Variants in SGIP1 observed in about 807,000 individuals in gnomAD.
SGIP1 encodes SH3-containing GRB2-like protein 3-interacting protein 1.
A neutral mutation model predicts 107.5 loss-of-function variants in SGIP1; 38 were observed. The ratio of observed to expected loss-of-function variants is 0.35; its 90% CI spans 0.27 to 0.46. SGIP1 has a LOEUF of 0.46. SGIP1 is among the 20% of genes least tolerant of loss of function. The pLI, the probability that SGIP1 is intolerant of heterozygous loss-of-function variation, is 1.00. For missense variants in SGIP1, 929 were observed against 1,019.5 expected (o/e 0.91, Z 1.21); for synonymous variants, 365 against 366.1 (o/e 1.00, Z 0.03).
intron 18 of SGIP1, among the ~76,000 whole-genome samples, chr1:66,709,034 AAGTTCTGGGATACATGCGCAG>A (rs575815473): frequency 4.5e-3 from 683 of 151,802 alleles, no homozygotes; most frequent in Non-Finnish European, 7.4e-3. Context: ...GTTATACTTT[AAGTTCTGGGATACATGCGCAG>A]AGTTCTGGGA....
Position 66,731,351 on chromosome 1 carries a change from T to C in SGIP1, c.1898+1932T>C, listed in dbSNP as rs145103193. ...AGTTTGTTTGTAAATATGACTGGTG[T>C]CATAGTTACAGCTTTTGTTGCATTG... On this transcript the variant is annotated intron_variant, in intron 20 of 24. Transcript: ENST00000371037. Among the ~76,000 whole-genome samples the C allele has an allele frequency of 3.4e-4, 52 of 152,360 alleles. No homozygotes were observed. In the East Asian group the frequency reaches 0.01, roughly 29 times the overall value.
intron 12 of SGIP1, 113 bp downstream of exon 12, chr1:66,673,479 G>A (rs912374440): frequency 2.0e-5 from 20 of 1,003,398 alleles, no homozygotes; most frequent in Admixed American, 1.6e-4. Flanking sequence ...TTATTTTCGT[G>A]GGAAAGAAAA....
chr1:66,591,104 A>G (rs1447461906), intron 1 of SGIP1, among the ~76,000 whole-genome samples: 1 of 152,230 alleles, frequency 6.6e-6, no homozygotes, highest in Non-Finnish European at 1.5e-5. Flanking sequence ...ACTTTTCTGT[A>G]CAGTTGAGCA....
chr1:66,674,556 A>G (rs923921313), intron 12 of SGIP1, among the ~76,000 whole-genome samples: 1 of 152,244 alleles, frequency 6.6e-6, no homozygotes, highest in Non-Finnish European at 1.5e-5. Flanking sequence ...AGACTAAGCT[A>G]CATTAACAAA....
chr1:66,638,717 C>A (rs1373420215), intron 4 of SGIP1, among the ~76,000 whole-genome samples: 4 of 152,148 alleles, frequency 2.6e-5, no homozygotes, highest in Non-Finnish European at 5.9e-5. Flanking sequence ...ATCTAGTGAT[C>A]CTATGTGCAC....
In SGIP1 at chr1:66,689,326, A is replaced by G. The variant is rs181756912; in HGVS notation, c.1443+51A>G. The stretch of plus-strand genomic sequence containing the variant: ...CTCAGAAACAGTGAGAATGACAAAC[A>G]GAAGCTCCAAATGCCTTCAGGTCTA... On this transcript the variant is annotated intron_variant, in intron 16 of 24. Coordinates refer to ENST00000371037, the MANE Select transcript of SGIP1 (RefSeq NM_032291.4). 3.8e-6 allele frequency: 6 copies of G among 1,586,520 alleles called. No homozygotes were observed. In the Admixed American group the frequency reaches 7.1e-5, roughly 19 times the overall value.
intron 15 of SGIP1, 101 bp downstream of exon 15, chr1:66,682,470 T>G (rs770894373): frequency 1.0e-4 from 149 of 1,433,306 alleles, no homozygotes; most frequent in Non-Finnish European, 1.4e-4. Context: ...GCTTCAGAGC[T>G]TCAGCCCTCA....
intron 18 of SGIP1, among the ~76,000 whole-genome samples, chr1:66,718,377 G>C (rs2093357645): frequency 6.6e-6 from 1 of 151,024 alleles, no homozygotes; most frequent in Admixed American, 6.6e-5. Context: ...ACAGCAAAAT[G>C]ATACAGGAAA....
intron 2 of SGIP1, chr1:66,626,232 T>A (rs563199714): frequency 1.1e-5 from 2 of 179,484 alleles, no homozygotes; most frequent in South Asian, 1.5e-4. Context: ...TAAAAATAAT[T>A]CATTTCCACA....
intron 2 of SGIP1, among the ~76,000 whole-genome samples, chr1:66,628,892 A>G (rs904606738): frequency 2.0e-5 from 3 of 152,180 alleles, no homozygotes; most frequent in African/African-American, 7.2e-5. Context: ...GTGATAGCAA[A>G]ATAGCTGAAG....
At chr1:66,630,655 A>G (rs1230216168) in intron 2 of SGIP1, among the ~76,000 whole-genome samples, 1 of 150,378 alleles carries the variant, frequency 6.6e-6, no homozygotes, top group African/African-American at 2.5e-5. Context: ...AAAAATACAA[A>G]ATTAGCTGGG....
intron 1 of SGIP1, among the ~76,000 whole-genome samples, chr1:66,563,128 CACA>C (rs1383273092): frequency 1.3e-5 from 2 of 151,694 alleles, no homozygotes; most frequent in South Asian, 4.2e-4. Flanking sequence ...AGAGGAAAAC[CACA>C]ACATCAAGAA....
chr1:66,725,078 C>T (rs2093695715), intron 19 of SGIP1, among the ~76,000 whole-genome samples: 2 of 152,116 alleles, frequency 1.3e-5, no homozygotes, highest in Non-Finnish European at 2.9e-5. Context: ...AGAAGGAAGA[C>T]AGCAGTTTGC....
intron 9 of SGIP1, among the ~76,000 whole-genome samples, chr1:66,669,167 A>C (rs564781374): frequency 6.6e-6 from 1 of 152,330 alleles, no homozygotes; most frequent in South Asian, 2.1e-4. Context: ...TTTTGGTTGC[A>C]CTTAACTTGA....
intron 7 of SGIP1, among the ~76,000 whole-genome samples, chr1:66,652,005 A>G (rs1196420117): frequency 3.9e-5 from 6 of 152,250 alleles, no homozygotes; most frequent in Non-Finnish European, 7.4e-5. Flanking sequence ...CAGCACTATT[A>G]AGCAATCTGG....
chr1:66,562,326 A>G (rs559113801), intron 1 of SGIP1, among the ~76,000 whole-genome samples: 11 of 152,030 alleles, frequency 7.2e-5, no homozygotes, highest in Non-Finnish European at 1.5e-4. Flanking sequence ...TTAAAAGAAG[A>G]ATATTTGCTA....
At chr1:66,548,905 T>C (rs1251814739) in intron 1 of SGIP1, among the ~76,000 whole-genome samples, 1 of 152,226 alleles carries the variant, frequency 6.6e-6, no homozygotes, top group African/African-American at 2.4e-5. Context: ...ATTGCATTTT[T>C]ACCCAAGATG....
At chr1:66,707,440 G>C (rs1179859890) in intron 18 of SGIP1, among the ~76,000 whole-genome samples, 1 of 152,038 alleles carries the variant, frequency 6.6e-6, no homozygotes, top group East Asian at 1.9e-4. Context: ...TCTTTGCATT[G>C]ATAGTTTAAT....
At chr1:66,623,501 T>C (rs149741018) in intron 1 of SGIP1, among the ~76,000 whole-genome samples, 8 of 152,348 alleles carry the variant, frequency 5.3e-5, no homozygotes, top group African/African-American at 1.9e-4. Context: ...TCCACCCGCC[T>C]CAGCCTCCCA....
Sources: allele counts gnomAD v4.1 joint callset (sites outside exome capture counted in the v4.1 genomes callset), GRCh38; gene constraint gnomAD v4.1.1; transcripts MANE v1.5; gene names NCBI Gene and HGNC (gene_info 2026-07-23, HGNC 2026-07-21).